Variants in TTC8 observed in about 807,000 individuals in gnomAD.
TTC8 encodes the protein tetratricopeptide repeat domain 8.
A neutral mutation model predicts 72.5 loss-of-function variants in TTC8; 47 were observed. That is an observed-to-expected ratio of 0.65 (90% CI 0.51 to 0.83). The LOEUF is 0.83. TTC8 is among the 40% of genes least tolerant of loss of function. TTC8 has a pLI of 0.00. For missense variants in TTC8, 611 were observed against 623.2 expected, an observed-to-expected ratio of 0.98 and a Z score of 0.21; for synonymous variants, 199 against 221.4, an observed-to-expected ratio of 0.90 and a Z score of 0.90.
In TTC8 at chr14:88,875,581, C is replaced by T. The variant is rs60510445; in HGVS notation, c.1431+472C>T. 8.9e-3 allele frequency among the ~76,000 whole-genome samples: 1,350 copies of T among 151,964 alleles called. 21 individuals carry two copies. The highest frequency in any genetic ancestry group is 0.029 in the African/African-American group (1,184 of 41,432). On this transcript the variant is annotated intron_variant, in intron 14 of 14. Coordinates refer to ENST00000380656, the MANE Select transcript of TTC8 (RefSeq NM_144596.4). ...ACTGTGTTGCAAGTCAGTTAGTATC[C>T]GAAAGCTAAAGGGAACCACGTGCCA...
At chr14:88,825,670 T>G (rs1269722214) in intron 1 of TTC8, among the ~76,000 whole-genome samples, 2 of 152,210 alleles carry the variant, frequency 1.3e-5, no homozygotes, top group Non-Finnish European at 2.9e-5. Context: ...CCTACGTAGT[T>G]CTAGTTCCCT....
At chr14:88,861,653 C>T (rs771875161) in intron 10 of TTC8, among the ~76,000 whole-genome samples, 1 of 152,152 alleles carries the variant, frequency 6.6e-6, no homozygotes, top group African/African-American at 2.4e-5. Flanking sequence ...CCACACCCTT[C>T]CTAGCCTCTG....
At chr14:88,840,271 A>G (rs1209928310) in intron 3 of TTC8, 3 of 156,112 alleles carry the variant, frequency 1.9e-5, no homozygotes, top group Admixed American at 1.9e-4. Context: ...TAAAAAAAAA[A>G]TGGTATTGAA....
In TTC8 at chr14:88,871,431, A is replaced by G. The variant is rs2141036267; in HGVS notation, c.1050-118A>G. On this transcript the variant is annotated intron_variant, in intron 11 of 14. Coordinates refer to ENST00000380656, the MANE Select transcript of TTC8 (RefSeq NM_144596.4). The surrounding 1 kb of genome is among the most constrained non-coding windows in gnomAD (Gnocchi z 4.1). Reference sequence around the variant, plus strand: ...ACTATAACACGTATTTATATTCTTAAGGAGTATCAAAAATCACAAGATGAA... The same window carrying G: ...ACTATAACACGTATTTATATTCTTAGGGAGTATCAAAAATCACAAGATGAA... 1 of 885,514 alleles carries G rather than the reference A, an allele frequency of 1.1e-6. No individual in the cohort carries two copies. Among genetic ancestry groups the G allele is most frequent in the East Asian group, 2.6e-5 (1 of 37,812 alleles). 54.9% of individuals were successfully genotyped at this position (885,514 alleles called of 1,614,324 possible).
At chr14:88,841,867 A>C (rs2094783456) in intron 6 of TTC8, among the ~76,000 whole-genome samples, 9 of 152,304 alleles carry the variant, frequency 5.9e-5, no homozygotes, top group Middle Eastern at 3.4e-3. Flanking sequence ...TCAGAGAAAT[A>C]ATTTTCTATC....
At chr14:88,866,316 C>T (rs750141349) in intron 10 of TTC8, among the ~76,000 whole-genome samples, 1 of 151,824 alleles carries the variant, frequency 6.6e-6, no homozygotes, top group Admixed American at 6.6e-5. Flanking sequence ...CTGGGACAGA[C>T]AAAAGACTGC....
intron 9 of TTC8, 129 bp downstream of exon 9, chr14:88,857,406 GT>G: frequency 1.2e-6 from 1 of 828,866 alleles, no homozygotes; most frequent in Non-Finnish European, 2.0e-6. Context: ...GATTTAACTT[GT>G]TTTTCTTTAC....
chr14:88,877,206 G>A, intron 14 of TTC8, 88 bp from the exon 15 acceptor site: 1 of 919,494 alleles, frequency 1.1e-6, no homozygotes, highest in South Asian at 1.4e-5. Flanking sequence ...TCTACAGCAT[G>A]CAGATACTAT....
intron 9 of TTC8, among the ~76,000 whole-genome samples, chr14:88,858,163 T>C (rs2094866167): frequency 6.6e-6 from 1 of 152,104 alleles, no homozygotes; most frequent in South Asian, 2.1e-4. Context: ...GGTTTCACCA[T>C]GTTGGCCAGG....
chr14:88,861,156 A>G (rs2094884198), intron 9 of TTC8, 66 bp from the exon 10 acceptor site: 2 of 1,193,320 alleles, frequency 1.7e-6, no homozygotes, highest in Non-Finnish European at 2.4e-6. Context: ...ATCAATAATT[A>G]TAAATGTCAT....
At chr14:88,840,570 AGTT>A (rs1370539131) in intron 3 of TTC8, among the ~76,000 whole-genome samples, 1 of 152,148 alleles carries the variant, frequency 6.6e-6, no homozygotes, top group African/African-American at 2.4e-5. Context: ...GTTAGTCTTG[AGTT>A]TAAATCCCAG....
At chr14:88,855,487 G>A (rs533678200) in intron 8 of TTC8, among the ~76,000 whole-genome samples, 5 of 152,224 alleles carry the variant, frequency 3.3e-5, no homozygotes, top group Non-Finnish European at 7.4e-5. Flanking sequence ...TCATGTGGTG[G>A]ATTCCTTTTT....
At position 88,861,287 on chromosome 14, in the gene TTC8, T is replaced by A. The variant is rs1326439602; in HGVS notation, c.864T>A (p.Phe288Leu). The change falls in exon 10 of 15, where the codon TTT (phenylalanine) becomes TTA (leucine). Residue 288 changes from phenylalanine to leucine, a missense_variant. Physicochemically the swap from Phe to Leu is conservative, Grantham distance 22. Coordinates refer to ENST00000380656, the MANE Select transcript of TTC8 (RefSeq NM_144596.4). Reference sequence around the variant, plus strand: ...TTTTCAAACAAGGCTTAGATAAGTTTCCAGGAGAAGTAACCCTGCTCTGTG... The same window carrying A: ...TTTTCAAACAAGGCTTAGATAAGTTACCAGGAGAAGTAACCCTGCTCTGTG... The part of the protein sequence containing the change: ...LNLFKQGLDK[F>L]PGEVTLLCGI... 1 of 1,613,032 alleles carries A rather than the reference T, an allele frequency of 6.2e-7. No individual in the cohort carries two copies.
At chr14:88,869,555 A>T (rs1566857534) in intron 10 of TTC8, among the ~76,000 whole-genome samples, 1 of 151,188 alleles carries the variant, frequency 6.6e-6, no homozygotes, top group African/African-American at 2.4e-5. Flanking sequence ...GCTGCCTCTC[A>T]TCTCCTTTTG....
intron 8 of TTC8, among the ~76,000 whole-genome samples, chr14:88,855,919 G>A (rs2896090): frequency 0.013 from 1,938 of 152,162 alleles, 138 homozygotes; most frequent in Admixed American, 0.12. Context: ...TGTCTTTACC[G>A]AAACAAAATA....
intron 7 of TTC8, chr14:88,846,564 T>G (rs1471346327): frequency 8.4e-7 from 1 of 1,183,946 alleles, no homozygotes; most frequent in African/African-American, 1.5e-5. Flanking sequence ...ATAAGCCATT[T>G]GTAGGTCATG....
rs74912530 is a variant in TTC8, at chr14:88,838,566, C to G, written c.145-886C>G. ...TAATATGCTGCAGCTTCAAGAGTTGCCTTCTTTTCAAATCCTCCACAGCAC... is the reference window on the plus strand; with the variant it reads ...TAATATGCTGCAGCTTCAAGAGTTGGCTTCTTTTCAAATCCTCCACAGCAC... On this transcript the variant is annotated intron_variant, in intron 2 of 14. Transcript: ENST00000380656. 4.5e-3 allele frequency among the ~76,000 whole-genome samples: 683 copies of G among 152,156 alleles called. 4 individuals are homozygous for G. The highest frequency in any genetic ancestry group is 0.015 in the African/African-American group (631 of 41,500).
intron 8 of TTC8, among the ~76,000 whole-genome samples, chr14:88,855,541 G>A (rs2094852266): frequency 6.6e-6 from 1 of 152,012 alleles, no homozygotes; most frequent in African/African-American, 2.4e-5. Flanking sequence ...TAGTAATAAA[G>A]AACATGGTTC....
rs2094748382 is a variant in TTC8, at chr14:88,835,900, TC to T, written c.144+2179del. Among the ~76,000 whole-genome samples the T allele has an allele frequency of 2.0e-5, 3 of 152,152 alleles. No individual in the cohort carries two copies. The South Asian group carries it at 6.2e-4, about 32-fold the overall frequency. On this transcript the variant is annotated intron_variant, in intron 2 of 14. Transcript: ENST00000380656. The stretch of plus-strand genomic sequence containing the variant: ...TCCTTCTGCTGTTTTCATTAAAATC[TC>T]AAGAATTGTTCACATTGCCAGGAGC...
Sources: gnomAD v4.1 joint callset for allele counts (sites outside exome capture counted in the v4.1 genomes callset) on GRCh38, gnomAD v4.1.1 for gene constraint, Gnocchi (gnomAD v3.1) non-coding constraint, MANE v1.5 for transcripts, NCBI Gene and HGNC (gene_info 2026-07-23, HGNC 2026-07-21) for gene names.